The following PCDHGC5 variants were observed in gnomAD, a reference collection of about 807,000 sequenced individuals.
PCDHGC5 encodes protocadherin gamma-C5.
Under a neutral mutation model 59.0 loss-of-function variants are expected in PCDHGC5, and 25 were observed. The ratio of observed to expected loss-of-function variants is 0.42; its 90% CI spans 0.31 to 0.59. The LOEUF is 0.59. PCDHGC5 is among the 20% of genes least tolerant of loss of function. PCDHGC5 has a pLI of 0.13. For synonymous variants in PCDHGC5, 434 were observed against 505.5 expected (o/e 0.86, Z 1.90); for missense variants, 1,067 against 1,206.4 (o/e 0.88, Z 1.71).
At chr5:141,502,035 G>C (rs1371892057) in intron 2 of PCDHGC5, among the ~76,000 whole-genome samples, 1 of 152,078 alleles carries the variant, frequency 6.6e-6, no homozygotes, top group Non-Finnish European at 1.5e-5. Context: ...CCCGCCGCTT[G>C]CCTGCTCTCC....
At position 141,490,645 on chromosome 5, in the gene PCDHGC5, C is replaced by G; in HGVS notation, c.1405C>G (p.Pro469Ala). ...TGCTTACATCCTAGAAAACCGGCCTCCGGGCTCCCTTCTTTGCACTGTGGC... is the reference window on the plus strand; with the variant it reads ...TGCTTACATCCTAGAAAACCGGCCTGCGGGCTCCCTTCTTTGCACTGTGGC... Reference protein sequence around the residue: ...YTAYILENRPPGSLLCTVAAS... With the variant: ...YTAYILENRPAGSLLCTVAAS... The change falls in exon 1 of 4, where the codon CCG becomes GCG. Residue 469 changes from proline to alanine, a missense_variant. Transcript: ENST00000252087. The surrounding 1 kb of genome is among the most constrained non-coding windows in gnomAD (Gnocchi z 5.4). 6.2e-7 allele frequency: 1 copy of G among 1,614,220 alleles called. No homozygotes were observed. Among genetic ancestry groups the G allele is most frequent in the Non-Finnish European group, 8.5e-7 (1 of 1,180,022 alleles).
chr5:141,511,598 A>C lies in PCDHGC5; in HGVS notation c.*425A>C. ...GGTTGGGGTGTTGAAGTACCAAGTA[A>C]CCTACAAGCCTCCTAGTTCTGAAAA... On this transcript the variant is annotated 3_prime_UTR_variant, in exon 4 of 4. Transcript: ENST00000252087. 3.9e-6 allele frequency: 1 copy of C among 255,742 alleles called. No individual in the cohort carries two copies. The highest frequency in any genetic ancestry group is 7.8e-6 in the Non-Finnish European group (1 of 127,952). The allele number at this position is 255,742 out of a possible 1,614,324, so 15.8% of individuals were successfully genotyped here.
intron 2 of PCDHGC5, among the ~76,000 whole-genome samples, chr5:141,496,180 GC>G (rs1054381604): frequency 1.4e-4 from 21 of 151,922 alleles, no homozygotes; most frequent in Non-Finnish European, 2.9e-4. Flanking sequence ...CATCCAAGCA[GC>G]CCCAGCTGCT....
Position 141,491,620 on chromosome 5 carries a change from A to C in PCDHGC5, c.2380A>C (p.Ser794Arg). The change falls in exon 1 of 4, where the codon AGC becomes CGC. Residue 794 changes from serine (S) to arginine (R), a missense_variant. Coordinates refer to ENST00000252087, the MANE Select transcript of PCDHGC5 (RefSeq NM_018929.3). This position sits in a 1 kb window ranked among gnomAD's most constrained non-coding sequence, Gnocchi z 6.9. ...GSDFTFLRPL[S>R]VQQPTALALE... ...TGACTTCACTTTTCTAAGACCCCTC[A>C]GCGTTCAGCAGCCCACAGCTCTGGC... is the stretch of plus-strand genomic sequence containing the variant. 6.2e-7 allele frequency: 1 copy of C among 1,613,906 alleles called. No individual in the cohort carries two copies. The highest frequency in any genetic ancestry group is 1.1e-5 in the South Asian group (1 of 91,084).
At position 141,491,971 on chromosome 5, in the gene PCDHGC5, T is replaced by C. The variant is rs62379205; in HGVS notation, c.2460+271T>C. ...CCTACACTCAAAAAAGGCCGGGGCC[T>C]CCTTCGAGCTTCCGGTGAATTTCGG... is the stretch of plus-strand genomic sequence containing the variant. On this transcript the variant is annotated intron_variant, in intron 1 of 3. Coordinates refer to ENST00000252087, the MANE Select transcript of PCDHGC5 (RefSeq NM_018929.3). This position sits in a 1 kb window ranked among gnomAD's most constrained non-coding sequence, Gnocchi z 6.9. The C allele has an allele frequency of 0.2, 165,735 of 830,872 alleles. 17,637 individuals are homozygous for C. Among genetic ancestry groups the C allele is most frequent in the Admixed American group, 0.32 (8,466 of 26,688 alleles). 51.5% of individuals were successfully genotyped at this position (830,872 alleles called of 1,614,324 possible).
intron 3 of PCDHGC5, among the ~76,000 whole-genome samples, chr5:141,505,926 G>T (rs114056147): frequency 6.6e-6 from 1 of 152,146 alleles, no homozygotes; most frequent in African/African-American, 2.4e-5. Flanking sequence ...TGGGCCTGGC[G>T]CTTGGAAGCC....
At chr5:141,507,443 G>A (rs2099860678) in intron 3 of PCDHGC5, among the ~76,000 whole-genome samples, 2 of 152,200 alleles carry the variant, frequency 1.3e-5, no homozygotes. Flanking sequence ...TACAGCTGAC[G>A]GAAGGACAGA....
At chr5:141,501,402 G>T (rs527659990) in intron 2 of PCDHGC5, among the ~76,000 whole-genome samples, 1 of 151,622 alleles carries the variant, frequency 6.6e-6, no homozygotes, top group African/African-American at 2.4e-5. Context: ...ACAGGCCACT[G>T]CTTGGAAAAT....
chr5:141,493,962 T>C lies in PCDHGC5; in HGVS notation c.2461-845T>C, dbSNP rs550317675. 6.6e-6 allele frequency among the ~76,000 whole-genome samples: 1 copy of C among 152,320 alleles called. No homozygotes were observed. Among genetic ancestry groups the C allele is most frequent in the African/African-American group, 2.4e-5 (1 of 41,578 alleles). ...AGAAGGGACTCAGGAATGAAGTGGC[T>C]GGCCAGAGCCCCACACCTTCAGCTA... is the stretch of plus-strand genomic sequence containing the variant. On this transcript the variant is annotated intron_variant, in intron 1 of 3. Coordinates refer to ENST00000252087, the MANE Select transcript of PCDHGC5 (RefSeq NM_018929.3). This position sits in a 1 kb window ranked among gnomAD's most constrained non-coding sequence, Gnocchi z 4.3.
chr5:141,489,375 G>T lies in PCDHGC5; in HGVS notation c.135G>T (p.Val45=). 6.2e-7 allele frequency: 1 copy of T among 1,613,826 alleles called. No homozygotes were observed. Among genetic ancestry groups the T allele is most frequent in the Non-Finnish European group, 8.5e-7 (1 of 1,179,724 alleles). The change falls in exon 1 of 4, where the codon GTG becomes GTT. Residue 45 remains valine (V), a synonymous_variant. Transcript: ENST00000252087. This position sits in a 1 kb window ranked among gnomAD's most constrained non-coding sequence, Gnocchi z 4.5. ...VVEESEPGTL[V]GNVAQDLGLK... ...AGGAGTCTGAGCCGGGGACGCTGGT[G>T]GGGAATGTTGCTCAGGATCTGGGCT...
Position 141,511,225 on chromosome 5 carries a change from C to A in PCDHGC5, c.*52C>A. ...GGCGGCCTCTCCCCAACCAGCCCAG[C>A]TTCTCCTTACCTGCACCCAGGCCTC... On this transcript the variant is annotated 3_prime_UTR_variant, in exon 4 of 4. Transcript: ENST00000252087. The A allele has an allele frequency of 6.2e-7, 1 of 1,601,624 alleles. No individual in the cohort carries two copies. Among genetic ancestry groups the A allele is most frequent in the Non-Finnish European group, 8.5e-7 (1 of 1,174,162 alleles).
chr5:141,502,179 A>G (rs1403845758), intron 2 of PCDHGC5, among the ~76,000 whole-genome samples: 2 of 152,218 alleles, frequency 1.3e-5, no homozygotes, highest in Non-Finnish European at 2.9e-5. Context: ...GGAATTTAAC[A>G]TTAATACAAT....
In PCDHGC5 at chr5:141,494,849, A is replaced by C; in HGVS notation, c.2503A>C (p.Arg835=). ...NTDWRFSQAQ[R]PGTSGSQNGD... ...GGACTGGCGTTTCTCTCAGGCCCAG[A>C]GACCCGGCACCAGCGGGTAGGTGAC... Residue 835 remains arginine, a synonymous_variant, in exon 2 of 4, where the codon AGA becomes CGA. Transcript: ENST00000252087. 1 of 1,614,102 alleles carries C rather than the reference A, an allele frequency of 6.2e-7. No individual in the cohort carries two copies. Among genetic ancestry groups the C allele is most frequent in the Non-Finnish European group, 8.5e-7 (1 of 1,180,014 alleles).
At position 141,512,967 on chromosome 5, in the gene PCDHGC5, T is replaced by C. The variant is rs2099884538; in HGVS notation, c.*1794T>C. ...CGACAAAAAAATAATAAAACGTTTC[T>C]TCTGAAAAGCTGAACGTTTCTGTAT... On this transcript the variant is annotated 3_prime_UTR_variant, in exon 4 of 4. Transcript: ENST00000252087. The C allele has an allele frequency of 6.6e-6, 1 of 152,260 alleles. No individual in the cohort carries two copies. Among genetic ancestry groups the C allele is most frequent in the South Asian group, 2.1e-4 (1 of 4,832 alleles). The allele number at this position is 152,260 out of a possible 1,614,324, so 9.4% of individuals were successfully genotyped here.
chr5:141,498,251 C>A (rs1277949209), intron 2 of PCDHGC5, among the ~76,000 whole-genome samples: 1 of 152,178 alleles, frequency 6.6e-6, no homozygotes, highest in African/African-American at 2.4e-5. Flanking sequence ...CAAAGCAGGG[C>A]TGGTGTTGAG....
chr5:141,489,397 G>T lies in PCDHGC5; in HGVS notation c.157G>T (p.Gly53Cys). ...TLVGNVAQDL[G>C]LKMTDLLSRR... ...GGTGGGGAATGTTGCTCAGGATCTG[G>T]GCTTAAAGATGACAGATCTGTTGAG... The change falls in exon 1 of 4, where the codon GGC becomes TGC. Residue 53 changes from glycine (G) to cysteine (C), a missense_variant. Coordinates refer to ENST00000252087, the MANE Select transcript of PCDHGC5 (RefSeq NM_018929.3). The surrounding 1 kb of genome is among the most constrained non-coding windows in gnomAD (Gnocchi z 4.5). 2 of 1,614,176 alleles carry T rather than the reference G, an allele frequency of 1.2e-6. No individual in the cohort carries two copies. Among genetic ancestry groups the T allele is most frequent in the Non-Finnish European group, 1.7e-6 (2 of 1,180,038 alleles).
intron 3 of PCDHGC5, among the ~76,000 whole-genome samples, chr5:141,508,579 G>A (rs569867127): frequency 6.6e-6 from 1 of 152,234 alleles, no homozygotes; most frequent in East Asian, 1.9e-4. Flanking sequence ...ACCCACTCGG[G>A]GTGCTACTCA....
In PCDHGC5 at chr5:141,505,470, C is replaced by G; in HGVS notation, c.2597C>G (p.Ala866Gly). 6.2e-7 allele frequency: 1 copy of G among 1,614,186 alleles called. No individual in the cohort carries two copies. Among genetic ancestry groups the G allele is most frequent in the Non-Finnish European group, 8.5e-7 (1 of 1,180,002 alleles). Residue 866 changes from alanine to glycine, a missense_variant, in exon 3 of 4, where the codon GCG (alanine) becomes GGG (glycine). Ala to Gly is a moderately conservative substitution (Grantham distance 60). Transcript: ENST00000252087. ...GAGATGCTGCAAGCCATGATCTTGG[C>G]GTCCGCCAGTGGTAAGTGGTGTCAG... The part of the protein sequence containing the change: ...DTEMLQAMIL[A>G]SASEAADGSS...
chr5:141,491,685 G>A lies in PCDHGC5; in HGVS notation c.2445G>A (p.Leu815=). 1 of 1,613,164 alleles carries A rather than the reference G, an allele frequency of 6.2e-7. No individual in the cohort carries two copies. The highest frequency in any genetic ancestry group is 8.5e-7 in the Non-Finnish European group (1 of 1,179,646). The change falls in exon 1 of 4, where the codon CTG becomes CTA. Residue 815 remains leucine (L), a synonymous_variant. Transcript: ENST00000252087. The surrounding 1 kb of genome is among the most constrained non-coding windows in gnomAD (Gnocchi z 6.9). ...PDAIRSRSNT[L]RERSQQAPPN... is the part of the protein sequence containing the mutation. ...CCATCCGGTCCCGCTCTAATACGCTGCGGGAGCGGAGCCAGGTGAGGGGCT... is the reference window on the plus strand; with the variant it reads ...CCATCCGGTCCCGCTCTAATACGCTACGGGAGCGGAGCCAGGTGAGGGGCT...
Sources: gnomAD v4.1 joint callset for allele counts (sites outside exome capture counted in the v4.1 genomes callset) on GRCh38, gnomAD v4.1.1 for gene constraint, Gnocchi (gnomAD v3.1) non-coding constraint, MANE v1.5 for transcripts, NCBI Gene and HGNC (gene_info 2026-07-23, HGNC 2026-07-21) for gene names.